Variants in PLD6 observed in about 807,000 individuals in gnomAD.
The protein encoded by PLD6 is phospholipase D family member 6.
PLD6 carries 10 observed loss-of-function variants against 9.7 expected under a neutral mutation model. That is an observed-to-expected ratio of 1.03 (90% CI 0.64 to 1.75). The LOEUF is 1.75. Among genes scored for constraint, PLD6 ranks in the 40% most tolerant of loss-of-function variants. The pLI is 0.00. For missense variants in PLD6, 334 were observed against 347.6 expected, an observed-to-expected ratio of 0.96 and a Z score of 0.31; for synonymous variants, 152 against 159.2, an observed-to-expected ratio of 0.96 and a Z score of 0.34.
Position 17,206,283 on chromosome 17 carries a change from C to T in PLD6, c.4G>A (p.Gly2Arg), listed in dbSNP as rs1184584929. The change falls in exon 1 of 2, where the codon GGA (glycine) becomes AGA (arginine). Residue 2 changes from glycine (G) to arginine (R), a missense_variant. Coordinates refer to ENST00000321560, the MANE Select transcript of PLD6 (RefSeq NM_178836.4). ...GCCGCCACCTGCCAACTCAACCGTC[C>T]CATGCCGCCGCTAATCCGGGACCCA... M[G>R]RLSWQVAAAA... 2.6e-6 allele frequency: 4 copies of T among 1,533,050 alleles called. No homozygotes were observed. Among genetic ancestry groups the T allele is most frequent in the Non-Finnish European group, 3.5e-6 (4 of 1,151,406 alleles). The allele number at this position is 1,533,050 out of a possible 1,614,324, so 95.0% of individuals were successfully genotyped here. A position where few individuals can be genotyped will look rare whatever the true frequency, so the allele number is the denominator to read the frequency against.
At chr17:17,204,571 G>C (rs1485171514) in intron 1 of PLD6, 1 of 152,266 alleles carries the variant, frequency 6.6e-6, no homozygotes, top group Admixed American at 6.5e-5. Flanking sequence ...GGACAGCCTC[G>C]AAGTCAGCGA....
Position 17,202,164 on chromosome 17 carries a change from A to G in PLD6, c.*603T>C, listed in dbSNP as rs2046679842. The stretch of plus-strand genomic sequence containing the variant: ...GAGCAATTATGCAAGGAATCAAGGG[A>G]ACAGCCAGCCTTTGGTGGCAATGAC... On this transcript the variant is annotated 3_prime_UTR_variant, in exon 2 of 2. Coordinates refer to ENST00000321560, the MANE Select transcript of PLD6 (RefSeq NM_178836.4). The G allele has an allele frequency of 6.4e-6, 1 of 155,858 alleles. No individual in the cohort carries two copies. Among genetic ancestry groups the G allele is most frequent in the South Asian group, 1.9e-4 (1 of 5,142 alleles). The allele number at this position is 155,858 out of a possible 1,614,324, so 9.7% of individuals were successfully genotyped here. A position where few individuals can be genotyped will look rare whatever the true frequency, so the allele number is the denominator to read the frequency against.
At position 17,202,734 on chromosome 17, in the gene PLD6, C is replaced by A. The variant is rs1231220573; in HGVS notation, c.*33G>T. On this transcript the variant is annotated 3_prime_UTR_variant, in exon 2 of 2. Transcript: ENST00000321560. ...GGTCTCCCTCCCTCAGAACGCACAG[C>A]AGCCCGCAGGGAGGGCTCAGCCCCA... 3.2e-6 allele frequency: 5 copies of A among 1,579,854 alleles called. No individual in the cohort carries two copies. Among genetic ancestry groups the A allele is most frequent in the African/African-American group, 1.4e-5 (1 of 73,928 alleles).
At chr17:17,203,626 C>T (rs1190980902) in intron 1 of PLD6, among the ~76,000 whole-genome samples, 1 of 152,222 alleles carries the variant, frequency 6.6e-6, no homozygotes, top group Non-Finnish European at 1.5e-5. Context: ...TCCGCACCCC[C>T]CTGCTTCCTT....
Position 17,205,926 on chromosome 17 carries a change from G to A in PLD6, c.361C>T (p.Arg121Trp), listed in dbSNP as rs1433735006. Residue 121 changes from arginine to tryptophan, a missense_variant, in exon 1 of 2, where the codon CGG becomes TGG. Transcript: ENST00000321560. ...ATGTAGTCGCAGTCGGTGACGACCCGCACTCGCACCCCACGCTGGTGCAGC... is the reference window on the plus strand; with the variant it reads ...ATGTAGTCGCAGTCGGTGACGACCCACACTCGCACCCCACGCTGGTGCAGC... The part of the protein sequence containing the change: ...QLLHQRGVRV[R>W]VVTDCDYMAL... 1 of 1,567,890 alleles carries A rather than the reference G, an allele frequency of 6.4e-7. No individual in the cohort carries two copies. The highest frequency in any genetic ancestry group is 1.2e-5 in the South Asian group (1 of 85,424).
rs145002892 is a variant in PLD6, at chr17:17,203,086, C to T, written c.440G>A (p.Arg147Gln). ...CATGTAGCCTGGGTCTTGATCGTGCCGGACCTGGATCCCTGCAGAAAGGAC... is the reference window on the plus strand; with the variant it reads ...CATGTAGCCTGGGTCTTGATCGTGCTGGACCTGGATCCCTGCAGAAAGGAC... ...GLLRKAGIQV[R>Q]HDQDPGYMHH... Residue 147 changes from arginine (R) to glutamine (Q), a missense_variant, in exon 2 of 2, where the codon CGG (arginine) becomes CAG (glutamine). Transcript: ENST00000321560. 6.8e-6 allele frequency: 11 copies of T among 1,613,250 alleles called. No homozygotes were observed. Among genetic ancestry groups the T allele is most frequent in the South Asian group, 1.1e-5 (1 of 91,062 alleles).
rs371316869 is a variant in PLD6 at position 17,205,962 on chromosome 17, C to A, written c.325G>T (p.Ala109Ser). Residue 109 changes from alanine to serine, a missense_variant, in exon 1 of 2, where the codon GCC becomes TCC. Physicochemically the swap from Ala to Ser is moderately conservative, Grantham distance 99 (BLOSUM62 1). Transcript: ENST00000321560. ...CCACGCTGGTGCAGCAACTGCACGG[C>A]GCGGCCCAGCTGCGGGCTGGAGAAG... ...FAFSSPQLGRAVQLLHQRGVR... is the reference protein window; with the variant it reads ...FAFSSPQLGRSVQLLHQRGVR... 1 of 1,557,350 alleles carries A rather than the reference C, an allele frequency of 6.4e-7. No homozygotes were observed. Among genetic ancestry groups the A allele is most frequent in the East Asian group, 2.4e-5 (1 of 41,738 alleles).
chr17:17,205,527 G>A (rs967714159), intron 1 of PLD6, among the ~76,000 whole-genome samples: 9 of 152,220 alleles, frequency 5.9e-5, no homozygotes, highest in African/African-American at 2.2e-4. Context: ...TCCGCCGGCG[G>A]CGCCCGAGGA....
At chr17:17,203,525 C>T (rs1352700680) in intron 1 of PLD6, among the ~76,000 whole-genome samples, 3 of 152,236 alleles carry the variant, frequency 2.0e-5, no homozygotes, top group East Asian at 1.9e-4. Flanking sequence ...GAGGCCCCGG[C>T]GTCTGAGAGC....
chr17:17,205,779 C>A, intron 1 of PLD6, 81 bp downstream of exon 1: 1 of 1,464,134 alleles, frequency 6.8e-7, no homozygotes, highest in Non-Finnish European at 9.2e-7. Context: ...CCCAGACCCC[C>A]TCCCCTAAGT....
chr17:17,206,187 G>C lies in PLD6; in HGVS notation c.100C>G (p.Arg34Gly). Residue 34 changes from arginine (R) to glycine (G), a missense_variant, in exon 1 of 2, where the codon CGG becomes GGG. Arg to Gly is a moderately radical substitution (Grantham distance 125). Coordinates refer to ENST00000321560, the MANE Select transcript of PLD6 (RefSeq NM_178836.4). Reference sequence around the variant, plus strand: ...AGCGCCTCGCGCCGCGGCCGCCGCCGCCTGGACCGCAGCCAGCGCAGCACC... The same window carrying C: ...AGCGCCTCGCGCCGCGGCCGCCGCCCCCTGGACCGCAGCCAGCGCAGCACC... ...PWVLRWLRSRRRRPRREALFF... is the reference protein window; with the variant it reads ...PWVLRWLRSRGRRPRREALFF... The C allele has an allele frequency of 4.6e-6, 7 of 1,516,126 alleles. No homozygotes were observed. Among genetic ancestry groups the C allele is most frequent in the Non-Finnish European group, 6.1e-6 (7 of 1,140,838 alleles). The allele number at this position is 1,516,126 out of a possible 1,614,324, so 93.9% of individuals were successfully genotyped here.
At position 17,202,997 on chromosome 17, in the gene PLD6, G is replaced by C; in HGVS notation, c.529C>G (p.Gln177Glu). Reference sequence around the variant, plus strand: ...TTCTCCCTGTTGTTCTGGATGGCTTGCGTGGTCCAGTTGAGCGAGCCAGTG... The same window carrying C: ...TTCTCCCTGTTGTTCTGGATGGCTTCCGTGGTCCAGTTGAGCGAGCCAGTG... ...LITGSLNWTT[Q>E]AIQNNRENVL... The change falls in exon 2 of 2, where the codon CAA (glutamine) becomes GAA (glutamate). Residue 177 changes from glutamine to glutamate, a missense_variant. Coordinates refer to ENST00000321560, the MANE Select transcript of PLD6 (RefSeq NM_178836.4). 6.2e-7 allele frequency: 1 copy of C among 1,614,210 alleles called. No homozygotes were observed. Among genetic ancestry groups the C allele is most frequent in the Non-Finnish European group, 8.5e-7 (1 of 1,180,038 alleles).
chr17:17,205,097 T>C (rs1004639077), intron 1 of PLD6, among the ~76,000 whole-genome samples: 3 of 152,166 alleles, frequency 2.0e-5, no homozygotes, highest in African/African-American at 7.2e-5. Flanking sequence ...CCCAAGAGTC[T>C]GTGAGTGCAG....
chr17:17,202,602 A>G lies in PLD6; in HGVS notation c.*165T>C. On this transcript the variant is annotated 3_prime_UTR_variant, in exon 2 of 2. Coordinates refer to ENST00000321560, the MANE Select transcript of PLD6 (RefSeq NM_178836.4). ...GGAGCAAGAAAAAGGTCTGGCCCGAAATAACTGACCCGAAGTAACAGAAAT... is the reference window on the plus strand; with the variant it reads ...GGAGCAAGAAAAAGGTCTGGCCCGAGATAACTGACCCGAAGTAACAGAAAT... 2.8e-6 allele frequency: 2 copies of G among 724,180 alleles called. No homozygotes were observed. Among genetic ancestry groups the G allele is most frequent in the Non-Finnish European group, 4.4e-6 (2 of 450,444 alleles). The allele number at this position is 724,180 out of a possible 1,614,324, so 44.9% of individuals were successfully genotyped here.
At chr17:17,205,092 G>A (rs1211501443) in intron 1 of PLD6, among the ~76,000 whole-genome samples, 1 of 152,182 alleles carries the variant, frequency 6.6e-6, no homozygotes, top group Admixed American at 6.5e-5. Flanking sequence ...ACAGGCCCAA[G>A]AGTCTGTGAG....
chr17:17,206,230 A>T lies in PLD6; in HGVS notation c.57T>A (p.Thr19=), dbSNP rs761797692. 10 of 1,545,032 alleles carry T rather than the reference A, an allele frequency of 6.5e-6. No individual in the cohort carries two copies. The South Asian group carries it at 9.4e-5, about 15-fold the overall frequency. The change falls in exon 1 of 2, where the codon ACT becomes ACA. Residue 19 remains threonine, a synonymous_variant. Transcript: ENST00000321560. The part of the protein sequence containing the change: ...AAAAAVGLAL[T]LEALPWVLRW... ...GCAGCACCCAAGGCAGCGCCTCCAGAGTCAGAGCCAGGCCCACAGCCGCCG... is the reference window on the plus strand; with the variant it reads ...GCAGCACCCAAGGCAGCGCCTCCAGTGTCAGAGCCAGGCCCACAGCCGCCG...
chr17:17,203,639 C>T (rs546586009), intron 1 of PLD6, among the ~76,000 whole-genome samples: 57 of 152,298 alleles, frequency 3.7e-4, no homozygotes, highest in South Asian at 1.2e-3. Context: ...GCTTCCTTCA[C>T]CAAAGAACCA....
rs1021774722 is a variant in PLD6 at position 17,205,891 on chromosome 17, G to T, written c.396C>A (p.Asn132Lys). 3 of 1,576,402 alleles carry T rather than the reference G, an allele frequency of 1.9e-6. No individual in the cohort carries two copies. Among genetic ancestry groups the T allele is most frequent in the South Asian group, 1.2e-5 (1 of 86,150 alleles). The change falls in exon 1 of 2, where the codon AAC becomes AAA. Residue 132 changes from asparagine (N) to lysine (K), a missense_variant. By Grantham distance (94) the Asn-to-Lys change is moderately conservative. Coordinates refer to ENST00000321560, the MANE Select transcript of PLD6 (RefSeq NM_178836.4). Reference sequence around the variant, plus strand: ...TGCGCAGCAGACCGATTTGCGAGCCGTTGAGGGCCATGTAGTCGCAGTCGG... The same window carrying T: ...TGCGCAGCAGACCGATTTGCGAGCCTTTGAGGGCCATGTAGTCGCAGTCGG... ...VVTDCDYMAL[N>K]GSQIGLLRKA...
intron 1 of PLD6, 74 bp from the exon 2 acceptor site, chr17:17,203,172 T>A: frequency 1.4e-6 from 2 of 1,437,594 alleles, no homozygotes; most frequent in Non-Finnish European, 1.9e-6. Context: ...TGGGGGCTAC[T>A]GGCTTTACTA....
Sources: gnomAD v4.1 joint callset for allele counts (sites outside exome capture counted in the v4.1 genomes callset) on GRCh38, gnomAD v4.1.1 for gene constraint, MANE v1.5 for transcripts, NCBI Gene and HGNC (gene_info 2026-07-23, HGNC 2026-07-21) for gene names.